Variants in PATJ observed in about 807,000 individuals in gnomAD.
PATJ encodes the protein PATJ crumbs cell polarity complex component.
PATJ carries 190 observed loss-of-function variants against 224.9 expected under a neutral mutation model. The ratio of observed to expected loss-of-function variants is 0.84; its 90% CI spans 0.75 to 0.95. The LOEUF (loss-of-function observed/expected upper bound fraction) is 0.95. Ranked by LOEUF, PATJ falls within the 40% of genes least tolerant of loss-of-function variation. The probability of loss-of-function intolerance (pLI) is 0.00; values close to 1 mark genes in which losing one functional copy is unlikely to be tolerated. For synonymous variants in PATJ, 769 were observed against 820.3 expected, an observed-to-expected ratio of 0.94 and a Z score of 1.07; for missense variants, 2,121 against 2,270.3, an observed-to-expected ratio of 0.93 and a Z score of 1.34.
intron 22 of PATJ, among the ~76,000 whole-genome samples, chr1:61,887,988 G>C (rs1454419977): frequency 1.3e-5 from 2 of 152,178 alleles, no homozygotes; most frequent in African/African-American, 4.8e-5. Flanking sequence ...ATTTTACCCA[G>C]AGTTTTAGAT....
intron 43 of PATJ, among the ~76,000 whole-genome samples, chr1:62,156,792 T>C (rs1332478537): frequency 6.6e-6 from 1 of 151,496 alleles, no homozygotes; most frequent in Non-Finnish European, 1.5e-5. Context: ...GGCACACATC[T>C]GTGGTCCCAG....
intron 27 of PATJ, among the ~76,000 whole-genome samples, chr1:61,956,714 A>G (rs1680494017): frequency 1.3e-5 from 2 of 152,240 alleles, no homozygotes; most frequent in Non-Finnish European, 2.9e-5. Flanking sequence ...TCTGTGCCAC[A>G]TGAAGTCTTT....
rs1474262781 is a variant in PATJ at position 61,870,822 on chromosome 1, G to A, written c.2836-4421G>A. ...ATACTGTTCTCTACAGCAAGCAGCT[G>A]CACCAGTTTATATTTCCATTAGCAA... On this transcript the variant is annotated intron_variant, in intron 20 of 43. Coordinates refer to ENST00000642238, the MANE Select transcript of PATJ (RefSeq NM_001350145.3). Among the ~76,000 whole-genome samples the A allele has an allele frequency of 2.0e-5, 3 of 152,172 alleles. No homozygotes were observed. The East Asian group carries it at 5.8e-4, about 29-fold the overall frequency.
chr1:62,027,628 C>CTTTTTTTTT (rs57019359), intron 29 of PATJ, among the ~76,000 whole-genome samples: 3 of 109,838 alleles, frequency 2.7e-5, no homozygotes, highest in African/African-American at 7.9e-5. Flanking sequence ...GCCAACATTC[C>CTTTTTTTTT]TTTTTTTTTT....
intron 43 of PATJ, among the ~76,000 whole-genome samples, chr1:62,154,480 G>A (rs1451401852): frequency 6.6e-6 from 1 of 151,778 alleles, no homozygotes; most frequent in Non-Finnish European, 1.5e-5. Context: ...GGTCAACATG[G>A]CAAAACCCGT....
chr1:61,930,091 C>G (rs1571343983), intron 27 of PATJ, among the ~76,000 whole-genome samples: 2 of 152,254 alleles, frequency 1.3e-5, no homozygotes, highest in East Asian at 3.9e-4. Flanking sequence ...TTCACAGATT[C>G]TCCAGGAGAC....
rs1214485428 is a variant in PATJ, at chr1:62,013,310, T to G, written c.3868-4546T>G. On this transcript the variant is annotated intron_variant, in intron 28 of 43. Transcript: ENST00000642238. Reference sequence around the variant, plus strand: ...AGATTTCCTACATGCTCAAGCGTTTTGCTGATCAAAACCATTTTTTTTTTA... The same window carrying G: ...AGATTTCCTACATGCTCAAGCGTTTGGCTGATCAAAACCATTTTTTTTTTA... The G allele has an allele frequency of 9.2e-6, 9 of 983,550 alleles. 1 individual carries two copies. Among genetic ancestry groups the G allele is most frequent in the African/African-American group, 1.7e-5 (1 of 57,212 alleles). The allele number at this position is 983,550 out of a possible 1,614,324, so 60.9% of individuals were successfully genotyped here. A position where few individuals can be genotyped will look rare whatever the true frequency, so the allele number is the denominator to read the frequency against.
Position 61,812,407 on chromosome 1 carries a change from T to TGAGAGA in PATJ, c.1683+3899_1683+3904dup, listed in dbSNP as rs769833245. ...GAGAGAGAGAGAGAATGTGAGTGACTGAGAGAGAGAGAGAGAGAGAGAGAG... is the reference window on the plus strand; with the variant it reads ...GAGAGAGAGAGAGAATGTGAGTGACTGAGAGAGAGAGAGAGAGAGAGAGAGAGAGAG... On this transcript the variant is annotated intron_variant, in intron 14 of 43. Transcript: ENST00000642238. Among the ~76,000 whole-genome samples the TGAGAGA allele has an allele frequency of 1.1e-3, 84 of 79,678 alleles. 3 individuals carry two copies. The highest frequency in any genetic ancestry group is 2.9e-3 in the South Asian group (7 of 2,430). The allele number at this position is 79,678 out of a possible 152,430, so 52.3% of individuals were successfully genotyped here.
At chr1:61,836,553 G>A (rs771017437) in intron 17 of PATJ, among the ~76,000 whole-genome samples, 1 of 152,190 alleles carries the variant, frequency 6.6e-6, no homozygotes, top group Non-Finnish European at 1.5e-5. Context: ...TCAGTCTTAA[G>A]TGTACTTACA....
intron 29 of PATJ, among the ~76,000 whole-genome samples, chr1:62,030,031 A>C (rs1197893594): frequency 6.6e-6 from 1 of 152,212 alleles, no homozygotes; most frequent in Non-Finnish European, 1.5e-5. Flanking sequence ...GATGCAGAGA[A>C]AGCAGAACAA....
At chr1:61,861,997 G>A (rs559118385) in intron 19 of PATJ, among the ~76,000 whole-genome samples, 1 of 152,028 alleles carries the variant, frequency 6.6e-6, no homozygotes, top group East Asian at 1.9e-4. Context: ...GAGTAGCTGG[G>A]ACCACAGGCA....
chr1:62,148,546 C>T (rs1430986553), intron 42 of PATJ, among the ~76,000 whole-genome samples, 156 bp downstream of exon 42: 3 of 152,186 alleles, frequency 2.0e-5, no homozygotes, highest in Admixed American at 2.0e-4. Context: ...AGGCTTAATT[C>T]CACCACATGA....
chr1:61,918,386 C>A (rs968574205), intron 26 of PATJ, among the ~76,000 whole-genome samples: 3 of 148,706 alleles, frequency 2.0e-5, no homozygotes, highest in Admixed American at 6.7e-5. Context: ...CAGCTCACTG[C>A]AACCTCCGCC....
At chr1:62,000,200 G>T (rs72480637) in intron 28 of PATJ, among the ~76,000 whole-genome samples, 13,671 of 115,306 alleles carry the variant, frequency 0.12, 1,309 homozygotes, top group East Asian at 0.43. Flanking sequence ...AGAGTTTTTT[G>T]TTTTTTTTTT....
intron 28 of PATJ, among the ~76,000 whole-genome samples, chr1:62,010,793 A>T (rs1218741622): frequency 6.6e-6 from 1 of 152,204 alleles, no homozygotes; most frequent in East Asian, 1.9e-4. Flanking sequence ...AAGGGGAAGC[A>T]AACACATCCT....
At chr1:62,064,615 C>A (rs2148658412) in intron 31 of PATJ, among the ~76,000 whole-genome samples, 1 of 152,302 alleles carries the variant, frequency 6.6e-6, no homozygotes, top group African/African-American at 2.4e-5. Flanking sequence ...GCATGAGCCA[C>A]CGCGCCGGGC....
intron 29 of PATJ, among the ~76,000 whole-genome samples, chr1:62,036,125 G>A (rs1324950502): frequency 6.6e-6 from 1 of 152,138 alleles, no homozygotes; most frequent in African/African-American, 2.4e-5. Flanking sequence ...GATCCTAAGT[G>A]CATTAAGAAG....
chr1:61,921,690 G>A (rs967353486), intron 26 of PATJ, among the ~76,000 whole-genome samples: 5 of 152,122 alleles, frequency 3.3e-5, no homozygotes, highest in Non-Finnish European at 5.9e-5. Flanking sequence ...ATAAAAATGT[G>A]TAGATACTGG....
intron 33 of PATJ, among the ~76,000 whole-genome samples, chr1:62,091,432 A>G (rs1298772499): frequency 1.3e-5 from 2 of 152,226 alleles, no homozygotes; most frequent in African/African-American, 2.4e-5. Flanking sequence ...CATGTGAATT[A>G]ATTAAGATAA....
Sources: allele counts gnomAD v4.1 joint callset (sites outside exome capture counted in the v4.1 genomes callset), GRCh38; gene constraint gnomAD v4.1.1; transcripts MANE v1.5; gene names NCBI Gene and HGNC (gene_info 2026-07-23, HGNC 2026-07-21).